MYT1L: variants seen among roughly 807,000 people sequenced by gnomAD.
MYT1L encodes the protein myelin transcription factor 1 like.
MYT1L carries 12 observed loss-of-function variants against 126.7 expected under a neutral mutation model. That is an observed-to-expected ratio of 0.09 (90% confidence interval 0.06 to 0.15). The LOEUF (loss-of-function observed/expected upper bound fraction) is 0.15. MYT1L is among the 10% of genes least tolerant of loss of function. The probability of loss-of-function intolerance (pLI) is 1.00; values close to 1 mark genes in which losing one functional copy is unlikely to be tolerated. For missense variants in MYT1L, 979 were observed against 1,585.2 expected, an observed-to-expected ratio of 0.62 and a Z score of 6.49; for synonymous variants, 541 against 604.2, an observed-to-expected ratio of 0.90 and a Z score of 1.53.
intron 1 of MYT1L, among the ~76,000 whole-genome samples, chr2:2,295,645 G>C (rs996986716): frequency 1.6e-5 from 1 of 62,708 alleles, no homozygotes; most frequent in African/African-American, 5.7e-5. Flanking sequence ...CAGAGAGAGA[G>C]ATAGAGAGAC....
At chr2:1,843,735 CCT>C (rs2042142434) in intron 19 of MYT1L, among the ~76,000 whole-genome samples, 1 of 152,166 alleles carries the variant, frequency 6.6e-6, no homozygotes, top group African/African-American at 2.4e-5. Flanking sequence ...AAGCCGAGCC[CCT>C]GACTCCACCA....
chr2:2,294,718 G>C (rs1349192076), intron 1 of MYT1L, among the ~76,000 whole-genome samples: 1 of 152,164 alleles, frequency 6.6e-6, no homozygotes, highest in Non-Finnish European at 1.5e-5. Context: ...TAAACATTCA[G>C]CCCATTATTA....
rs189072301 is a variant in MYT1L, at chr2:2,270,955, G to A, written c.-421+13449C>T. 1.1e-3 allele frequency among the ~76,000 whole-genome samples: 170 copies of A among 152,252 alleles called. 1 individual carries two copies. Among genetic ancestry groups the A allele is most frequent in the South Asian group, 2.5e-3 (12 of 4,824 alleles). ...TCATGTTGTCGAGTTTATTATGTCAGAATGTACAAACTCCTTACCCGTGTC... is the reference window on the plus strand; with the variant it reads ...TCATGTTGTCGAGTTTATTATGTCAAAATGTACAAACTCCTTACCCGTGTC... On this transcript the variant is annotated intron_variant, in intron 2 of 24. Transcript: ENST00000647738.
intron 3 of MYT1L, among the ~76,000 whole-genome samples, chr2:2,098,872 G>A (rs1043601397): frequency 6.6e-6 from 1 of 152,176 alleles, no homozygotes; most frequent in Non-Finnish European, 1.5e-5. Context: ...TCTAAAGATA[G>A]GTGGTGGGGT....
At chr2:2,010,657 C>A (rs1469632216) in intron 4 of MYT1L, among the ~76,000 whole-genome samples, 1 of 152,150 alleles carries the variant, frequency 6.6e-6, no homozygotes, top group Non-Finnish European at 1.5e-5. Context: ...GGGATTACAT[C>A]CATGATCTTC....
intron 4 of MYT1L, among the ~76,000 whole-genome samples, chr2:2,053,535 C>A (rs958629947): frequency 7.9e-5 from 12 of 152,252 alleles, no homozygotes; most frequent in African/African-American, 2.4e-4. Flanking sequence ...CTGACAGAAA[C>A]CTACAGGAAC....
At chr2:1,886,374 T>C in intron 18 of MYT1L, 165 bp downstream of exon 18, 1 of 459,292 alleles carries the variant, frequency 2.2e-6, no homozygotes. Context: ...TGTGGAAAAG[T>C]GGCTGAAATT....
intron 4 of MYT1L, among the ~76,000 whole-genome samples, chr2:2,048,875 T>A (rs2068494663): frequency 1.3e-5 from 2 of 152,176 alleles, no homozygotes; most frequent in Admixed American, 6.5e-5. Flanking sequence ...TAGTTTGGCA[T>A]CCTACTCTCC....
intron 1 of MYT1L, among the ~76,000 whole-genome samples, chr2:2,313,022 GAGA>G (rs929632587): frequency 1.3e-5 from 2 of 151,980 alleles, no homozygotes; most frequent in East Asian, 1.9e-4. Flanking sequence ...CTGGGCAGAG[GAGA>G]AGAAGAAAAG....
At chr2:2,105,320 G>A (rs535011779) in intron 3 of MYT1L, among the ~76,000 whole-genome samples, 5 of 152,298 alleles carry the variant, frequency 3.3e-5, no homozygotes, top group African/African-American at 4.8e-5. Context: ...ATACTAGGAG[G>A]AGGATTTGCT....
rs764480393 is a variant in MYT1L at position 2,284,446 on chromosome 2, C to T, written c.-463G>A. 5 of 152,220 alleles carry T rather than the reference C, an allele frequency of 3.3e-5. No individual in the cohort carries two copies. The highest frequency in any genetic ancestry group is 1.9e-4 in the East Asian group (1 of 5,162). 9.4% of individuals were successfully genotyped at this position (152,220 alleles called of 1,614,324 possible). ...CAAATGTCAACGTGGATTGGACAAACGTCCAGGCAACAGCCGCACACACCT... is the reference window on the plus strand; with the variant it reads ...CAAATGTCAACGTGGATTGGACAAATGTCCAGGCAACAGCCGCACACACCT... On this transcript the variant is annotated 5_prime_UTR_variant, in exon 2 of 25. Coordinates refer to ENST00000647738, the MANE Select transcript of MYT1L (RefSeq NM_001303052.2).
chr2:1,898,558 G>T lies in MYT1L; in HGVS notation c.2032+4522C>A, dbSNP rs183373500. ...GCCTGGCCTGCCCTGGCCCTAGAGG[G>T]TGGAGCGAATCTGCAGACCCGGCCT... On this transcript the variant is annotated intron_variant, in intron 14 of 24. Transcript: ENST00000647738. Among the ~76,000 whole-genome samples the T allele has an allele frequency of 5.3e-5, 8 of 152,324 alleles. No homozygotes were observed. In the East Asian group the frequency reaches 1.2e-3, roughly 22 times the overall value.
intron 4 of MYT1L, among the ~76,000 whole-genome samples, chr2:2,029,422 A>AAT (rs1428061929): frequency 6.6e-6 from 1 of 152,192 alleles, no homozygotes; most frequent in African/African-American, 2.4e-5. Context: ...CAGGCAAGAG[A>AAT]GCTTGTGCAG....
intron 3 of MYT1L, among the ~76,000 whole-genome samples, chr2:2,117,560 T>C (rs958939125): frequency 6.6e-6 from 1 of 152,172 alleles, no homozygotes; most frequent in Non-Finnish European, 1.5e-5. Flanking sequence ...ACTCTGGTAT[T>C]GGGCAGAACA....
At chr2:1,825,686 T>G (rs2039214354) in intron 21 of MYT1L, 1 of 152,202 alleles carries the variant, frequency 6.6e-6, no homozygotes, top group African/African-American at 2.4e-5. Context: ...GTTAATTTTT[T>G]GTTTGTATAT....
chr2:1,892,707 G>T (rs1278027197), intron 14 of MYT1L, among the ~76,000 whole-genome samples: 1 of 152,026 alleles, frequency 6.6e-6, no homozygotes, highest in Non-Finnish European at 1.5e-5. Flanking sequence ...CGTGAGTGGG[G>T]CTCCTCCGCA....
chr2:1,835,060 TACAGGTGCTCCTCCATATACCACGGG>T lies in MYT1L; in HGVS notation c.3080+4063_3080+4088del, dbSNP rs1420832561. Reference sequence around the variant, plus strand: ...CTCCTCCACATACCACGGGGATGGATACAGGTGCTCCTCCATATACCACGGGGATGGATACAGGTGCTCCTCCACAT... The same window carrying T: ...CTCCTCCACATACCACGGGGATGGATGATGGATACAGGTGCTCCTCCACAT... On this transcript the variant is annotated intron_variant, in intron 21 of 24. Transcript: ENST00000647738. Among the ~76,000 whole-genome samples, 657 of 140,718 alleles carry T rather than the reference TACAGGTGCTCCTCCATATACCACGGG, an allele frequency of 4.7e-3. 47 individuals carry two copies. Among genetic ancestry groups the T allele is most frequent in the African/African-American group, 0.011 (394 of 35,772 alleles). The allele number at this position is 140,718 out of a possible 152,430, so 92.3% of individuals were successfully genotyped here. A position where few individuals can be genotyped will look rare whatever the true frequency, so the allele number is the denominator to read the frequency against.
At chr2:1,804,959 A>G (rs538642657) in intron 22 of MYT1L, among the ~76,000 whole-genome samples, 1 of 152,230 alleles carries the variant, frequency 6.6e-6, no homozygotes, top group Admixed American at 6.5e-5. Context: ...CCCTGCCCCC[A>G]CTACCCGCCA....
chr2:2,265,901 G>C (rs926731800), intron 2 of MYT1L, among the ~76,000 whole-genome samples: 1 of 152,176 alleles, frequency 6.6e-6, no homozygotes, highest in Non-Finnish European at 1.5e-5. Context: ...AACACTGAAG[G>C]CTGTGAGCTG....
Sources: allele counts gnomAD v4.1 joint callset (sites outside exome capture counted in the v4.1 genomes callset), GRCh38; gene constraint gnomAD v4.1.1; transcripts MANE v1.5; gene names NCBI Gene and HGNC (gene_info 2026-07-23, HGNC 2026-07-21).